Variants in PMM2 observed in about 807,000 individuals in gnomAD.
The protein encoded by PMM2 is mannose-6-phosphate isomerase.
In PMM2, 35 loss-of-function variants were observed where a neutral mutation model predicts 33.2. That is an observed-to-expected ratio of 1.06 (90% confidence interval 0.81 to 1.40). The LOEUF (loss-of-function observed/expected upper bound fraction) is 1.40. PMM2 is among the 40% of genes most tolerant of loss of function. PMM2 has a pLI of 0.00. For missense variants in PMM2, 386 were observed against 306.0 expected (o/e 1.26, Z -1.95); for synonymous variants, 153 against 114.7 (o/e 1.33, Z -2.13).
chr16:8,849,083 C>G lies in PMM2; in HGVS notation c.*1258C>G, dbSNP rs1043440727. 2 of 152,272 alleles carry G rather than the reference C, an allele frequency of 1.3e-5. No individual in the cohort carries two copies. Among genetic ancestry groups the G allele is most frequent in the African/African-American group, 2.4e-5 (1 of 41,430 alleles). 9.4% of individuals were successfully genotyped at this position (152,272 alleles called of 1,614,324 possible). ...TCTGGGGCCAGGGGAGCCCAGGCTG[C>G]CCTGCACTCCTGCCTCCCAGCCCAC... On this transcript the variant is annotated 3_prime_UTR_variant, in exon 8 of 8. Transcript: ENST00000268261.
chr16:8,847,901 C>T lies in PMM2; in HGVS notation c.*76C>T, dbSNP rs755477705. ...TCGGTGGCCAGAGCCGAGGGTCCTC[C>T]CACACGTGCTCACCCACCCGCAGCC... On this transcript the variant is annotated 3_prime_UTR_variant, in exon 8 of 8. Transcript: ENST00000268261. The T allele has an allele frequency of 3.5e-6, 4 of 1,131,300 alleles. No homozygotes were observed. Among genetic ancestry groups the T allele is most frequent in the Non-Finnish European group, 4.0e-6 (3 of 757,672 alleles). The allele number at this position is 1,131,300 out of a possible 1,614,324, so 70.1% of individuals were successfully genotyped here. A position where few individuals can be genotyped will look rare whatever the true frequency, so the allele number is the denominator to read the frequency against.
Position 8,797,935 on chromosome 16 carries a change from C to T in PMM2, c.53C>T (p.Thr18Ile). Residue 18 changes from threonine (T) to isoleucine (I), a missense_variant, in exon 1 of 8, where the codon ACC becomes ATC. Thr to Ile is a moderately conservative substitution (Grantham distance 89). Coordinates refer to ENST00000268261, the MANE Select transcript of PMM2 (RefSeq NM_000303.3). ...LCLFDVDGTLTAPRQKITKEM... is the reference protein window; with the variant it reads ...LCLFDVDGTLIAPRQKITKEM... ...CTCTTCGACGTGGATGGGACCCTCA[C>T]CGCCCCGCGGCAGGTAAGTGGCGGC... The T allele has an allele frequency of 1.9e-6, 3 of 1,607,720 alleles. No individual in the cohort carries two copies. Among genetic ancestry groups the T allele is most frequent in the Non-Finnish European group, 2.5e-6 (3 of 1,177,702 alleles).
intron 2 of PMM2, 45 bp downstream of exon 2, chr16:8,801,955 T>C: frequency 7.6e-7 from 1 of 1,320,318 alleles, no homozygotes; most frequent in Non-Finnish European, 1.1e-6. Flanking sequence ...GATTAACTTC[T>C]TATGAGGATA....
At chr16:8,823,535 T>C (rs149363181) in intron 7 of PMM2, among the ~76,000 whole-genome samples, 17 of 152,342 alleles carry the variant, frequency 1.1e-4, no homozygotes, top group Non-Finnish European at 2.1e-4. Flanking sequence ...CATAGTCTTA[T>C]TAAGCTTGGC....
intron 7 of PMM2, among the ~76,000 whole-genome samples, chr16:8,830,933 G>GT (rs2060805908): frequency 6.6e-6 from 1 of 152,212 alleles, no homozygotes; most frequent in Non-Finnish European, 1.5e-5. Context: ...GAGGCCGGGA[G>GT]TTTGACACCA....
rs1244105914 is a variant in PMM2 at position 8,816,830 on chromosome 16, T to C, written c.639+3724T>C. Reference sequence around the variant, plus strand: ...GAAATGTTAAATGTCATAGCTATGATGGAAAACTACATAGTGGTTCCTCAA... The same window carrying C: ...GAAATGTTAAATGTCATAGCTATGACGGAAAACTACATAGTGGTTCCTCAA... On this transcript the variant is annotated intron_variant, in intron 7 of 7. Coordinates refer to ENST00000268261, the MANE Select transcript of PMM2 (RefSeq NM_000303.3). Among the ~76,000 whole-genome samples, 6 of 152,324 alleles carry C rather than the reference T, an allele frequency of 3.9e-5. No individual in the cohort carries two copies. The East Asian group carries it at 1.2e-3, about 29-fold the overall frequency.
rs1481859853 is a variant in PMM2 at position 8,801,891 on chromosome 16, G to C, written c.159G>C (p.Gln53His). 2 of 1,606,650 alleles carry C rather than the reference G, an allele frequency of 1.2e-6. No homozygotes were observed. Among genetic ancestry groups the C allele is most frequent in the South Asian group, 2.2e-5 (2 of 90,786 alleles). The change falls in exon 2 of 8, where the codon CAG becomes CAC. Residue 53 changes from glutamine (Q) to histidine (H), a missense_variant. Transcript: ENST00000268261. ...VVGGSDFEKVQEQLGNDVVEK... is the reference protein window; with the variant it reads ...VVGGSDFEKVHEQLGNDVVEK... ...GCGGATCGGACTTTGAGAAAGTGCA[G>C]GAGCAACTGGGAAATGATGGTAAAT... is the stretch of plus-strand genomic sequence containing the variant.
chr16:8,843,616 G>A (rs1056197806), intron 7 of PMM2, among the ~76,000 whole-genome samples: 4 of 152,170 alleles, frequency 2.6e-5, no homozygotes, highest in African/African-American at 9.7e-5. Flanking sequence ...GTTCTTGTGT[G>A]CTGGAGATGT....
chr16:8,815,437 G>A (rs1439214756), intron 7 of PMM2, among the ~76,000 whole-genome samples: 1 of 152,076 alleles, frequency 6.6e-6, no homozygotes, highest in Non-Finnish European at 1.5e-5. Flanking sequence ...TGCCACATTG[G>A]CCAGGCTGGT....
chr16:8,848,578 A>C lies in PMM2; in HGVS notation c.*753A>C, dbSNP rs369339277. The stretch of plus-strand genomic sequence containing the variant: ...GAGACCGGAGGTAGTGGGAACCAAC[A>C]GCTGGGCTGGAGAGTTGGTGCTGGC... On this transcript the variant is annotated 3_prime_UTR_variant, in exon 8 of 8. Transcript: ENST00000268261. The C allele has an allele frequency of 6.6e-6, 1 of 152,464 alleles. No homozygotes were observed. Among genetic ancestry groups the C allele is most frequent in the East Asian group, 1.9e-4 (1 of 5,200 alleles). The allele number at this position is 152,464 out of a possible 1,614,324, so 9.4% of individuals were successfully genotyped here. A position where few individuals can be genotyped will look rare whatever the true frequency, so the allele number is the denominator to read the frequency against.
At chr16:8,811,210 G>A (rs1227839791) in intron 5 of PMM2, 32 bp downstream of exon 5, 1 of 1,354,844 alleles carries the variant, frequency 7.4e-7, no homozygotes, top group Admixed American at 2.0e-5. Context: ...TTGGTGAATG[G>A]CTGGGTTTAT....
intron 7 of PMM2, among the ~76,000 whole-genome samples, chr16:8,838,417 TTAA>T (rs2060866802): frequency 1.3e-5 from 2 of 151,928 alleles, no homozygotes; most frequent in African/African-American, 2.4e-5. Context: ...CCTTCTTATG[TTAA>T]TAAGAAAAAT....
At chr16:8,839,875 A>G (rs56720954) in intron 7 of PMM2, among the ~76,000 whole-genome samples, 10 of 138,648 alleles carry the variant, frequency 7.2e-5, no homozygotes, top group African/African-American at 1.6e-4. Context: ...ATGGGGGGAG[A>G]AAGGAGAAAG....
At chr16:8,812,616 T>C (rs954620827) in intron 6 of PMM2, among the ~76,000 whole-genome samples, 1 of 152,184 alleles carries the variant, frequency 6.6e-6, no homozygotes, top group African/African-American at 2.4e-5. Flanking sequence ...GCAACCTGCT[T>C]CCGGGCATTT....
chr16:8,845,937 C>G (rs1008813661), intron 7 of PMM2, among the ~76,000 whole-genome samples: 1 of 151,630 alleles, frequency 6.6e-6, no homozygotes, highest in African/African-American at 2.4e-5. Flanking sequence ...ACCCTATGTC[C>G]GAAGGAAAAA....
rs547239088 is a variant in PMM2 at position 8,849,146 on chromosome 16, C to G, written c.*1321C>G. 5 of 152,346 alleles carry G rather than the reference C, an allele frequency of 3.3e-5. No homozygotes were observed. Among genetic ancestry groups the G allele is most frequent in the South Asian group, 2.1e-4 (1 of 4,826 alleles). The allele number at this position is 152,346 out of a possible 1,614,324, so 9.4% of individuals were successfully genotyped here. Reference sequence around the variant, plus strand: ...TCATCACAGCTAAACCTGGTTCCCTCCAAACCTCCCAGCCACTCGGGCTTG... The same window carrying G: ...TCATCACAGCTAAACCTGGTTCCCTGCAAACCTCCCAGCCACTCGGGCTTG... On this transcript the variant is annotated 3_prime_UTR_variant, in exon 8 of 8. Coordinates refer to ENST00000268261, the MANE Select transcript of PMM2 (RefSeq NM_000303.3).
chr16:8,806,670 C>A (rs2060650098), intron 4 of PMM2: 2 of 522,024 alleles, frequency 3.8e-6, no homozygotes, highest in African/African-American at 3.8e-5. Context: ...GAATTTAAAT[C>A]CGAATCCCAG....
chr16:8,819,392 C>T (rs964378817), intron 7 of PMM2, among the ~76,000 whole-genome samples: 5 of 152,084 alleles, frequency 3.3e-5, no homozygotes, highest in African/African-American at 1.2e-4. Context: ...CTTATAAATG[C>T]ATAAAAGGAG....
At chr16:8,798,489 T>A (rs1477788239) in intron 1 of PMM2, among the ~76,000 whole-genome samples, 1 of 152,180 alleles carries the variant, frequency 6.6e-6, no homozygotes, top group Admixed American at 6.5e-5. Context: ...TCTGTGAGGA[T>A]CAAATGAGAT....
Sources: gnomAD v4.1 joint callset for allele counts (sites outside exome capture counted in the v4.1 genomes callset) on GRCh38, gnomAD v4.1.1 for gene constraint, MANE v1.5 for transcripts, NCBI Gene and HGNC (gene_info 2026-07-23, HGNC 2026-07-21) for gene names.